The following COL4A2 variants were observed in gnomAD, a reference collection of about 807,000 sequenced individuals.
COL4A2 encodes the protein collagen alpha-2(IV) chain.
Under a neutral mutation model 200.2 loss-of-function variants are expected in COL4A2, and 99 were observed. The observed-to-expected ratio is 0.49, with a 90% confidence interval of 0.42 to 0.58. The LOEUF is 0.58. Ranked by LOEUF, COL4A2 falls within the 20% of genes least tolerant of loss-of-function variation. The probability of loss-of-function intolerance (pLI) is 0.00; values close to 1 mark genes in which losing one functional copy is unlikely to be tolerated. For missense variants in COL4A2, 1,950 were observed against 2,314.1 expected, an observed-to-expected ratio of 0.84 and a Z score of 3.23; for synonymous variants, 897 against 900.6, an observed-to-expected ratio of 1.00 and a Z score of 0.07.
intron 4 of COL4A2, among the ~76,000 whole-genome samples, chr13:110,363,976 T>A: frequency 6.6e-6 from 1 of 152,142 alleles, no homozygotes; most frequent in East Asian, 1.9e-4. Flanking sequence ...GCTGAGATTA[T>A]AGGCGTGAGC....
At chr13:110,499,853 A>G (rs1218706365) in intron 40 of COL4A2, among the ~76,000 whole-genome samples, 1 of 152,240 alleles carries the variant, frequency 6.6e-6, no homozygotes, top group Non-Finnish European at 1.5e-5. Context: ...TGCGGATTGC[A>G]CTGGATCATC....
At chr13:110,410,332 C>T (rs941927358) in intron 4 of COL4A2, among the ~76,000 whole-genome samples, 2 of 152,222 alleles carry the variant, frequency 1.3e-5, no homozygotes, top group African/African-American at 2.4e-5. Flanking sequence ...CACATGTTCA[C>T]GGTCAAATGT....
intron 8 of COL4A2, 197 bp downstream of exon 8, chr13:110,430,153 T>G: frequency 1.4e-6 from 1 of 695,722 alleles, no homozygotes; most frequent in Non-Finnish European, 2.1e-6. Flanking sequence ...TGTTTATCTC[T>G]TTCCCATATT....
At chr13:110,503,601 G>A (rs975263616) in intron 43 of COL4A2, 120 bp downstream of exon 43, 10 of 730,662 alleles carry the variant, frequency 1.4e-5, no homozygotes, top group African/African-American at 7.2e-5. Context: ...GTTGTAAAGA[G>A]CAGGGAGGAA....
At chr13:110,330,490 T>A (rs1369104430) in intron 3 of COL4A2, among the ~76,000 whole-genome samples, 1 of 152,070 alleles carries the variant, frequency 6.6e-6, no homozygotes, top group South Asian at 2.1e-4. Flanking sequence ...CTATTGAAAC[T>A]CCCCATCTGC....
intron 22 of COL4A2, chr13:110,461,911 A>G: frequency 1.5e-6 from 1 of 664,024 alleles, no homozygotes; most frequent in Non-Finnish European, 2.5e-6. Context: ...CCAGTGCTCC[A>G]CAGCCACTGT....
chr13:110,427,480 A>C (rs1031417591), intron 6 of COL4A2, among the ~76,000 whole-genome samples: 2 of 152,132 alleles, frequency 1.3e-5, no homozygotes, highest in African/African-American at 4.8e-5. Context: ...AAATTTTCCA[A>C]ATTTCTCAAA....
At chr13:110,406,614 T>C (rs955271273) in intron 4 of COL4A2, among the ~76,000 whole-genome samples, 1 of 143,008 alleles carries the variant, frequency 7.0e-6, no homozygotes, top group Non-Finnish European at 1.5e-5. Context: ...TGTGAGTACC[T>C]GGTTTTTTTA....
intron 17 of COL4A2, among the ~76,000 whole-genome samples, chr13:110,446,198 G>A (rs1881315656): frequency 6.6e-6 from 1 of 151,950 alleles, no homozygotes; most frequent in African/African-American, 2.4e-5. Flanking sequence ...GTTTCCAAGG[G>A]AGGATGTGGC....
intron 3 of COL4A2, among the ~76,000 whole-genome samples, 182 bp from the exon 4 acceptor site, chr13:110,357,290 G>A (rs923809394): frequency 1.3e-5 from 2 of 152,098 alleles, no homozygotes; most frequent in Admixed American, 1.3e-4. Flanking sequence ...CCTTACACTC[G>A]ATTTTGCTGT....
chr13:110,501,598 G>A, intron 40 of COL4A2, 70 bp from the exon 41 acceptor site: 1 of 1,328,988 alleles, frequency 7.5e-7, no homozygotes, highest in Admixed American at 1.7e-5. Flanking sequence ...TGATGGTGTG[G>A]AGGGAAAATA....
chr13:110,489,524 C>T lies in COL4A2; in HGVS notation c.3271+16C>T. On this transcript the variant is annotated intron_variant, in intron 35 of 47. Transcript: ENST00000360467. Reference sequence around the variant, plus strand: ...GGTGATTTCGGTGAGTGTTGCCCGTCCAGTGAAAACAGGGAGTCCACAATT... The same window carrying T: ...GGTGATTTCGGTGAGTGTTGCCCGTTCAGTGAAAACAGGGAGTCCACAATT... 6.2e-7 allele frequency: 1 copy of T among 1,613,998 alleles called. No individual in the cohort carries two copies. The highest frequency in any genetic ancestry group is 8.5e-7 in the Non-Finnish European group (1 of 1,179,888).
intron 3 of COL4A2, among the ~76,000 whole-genome samples, chr13:110,330,513 C>T (rs1173561125): frequency 6.6e-6 from 1 of 152,168 alleles, no homozygotes; most frequent in Non-Finnish European, 1.5e-5. Context: ...GTTCACAATT[C>T]ATCTAAGCAA....
At chr13:110,413,550 C>T (rs1879929132) in intron 4 of COL4A2, among the ~76,000 whole-genome samples, 1 of 152,188 alleles carries the variant, frequency 6.6e-6, no homozygotes, top group African/African-American at 2.4e-5. Context: ...TGCCATGGCC[C>T]TGAGGTTCCA....
chr13:110,439,045 G>A (rs1298847079), intron 15 of COL4A2, among the ~76,000 whole-genome samples: 3 of 152,138 alleles, frequency 2.0e-5, no homozygotes, highest in East Asian at 1.9e-4. Flanking sequence ...ATTGATTTCC[G>A]ACTGTCCCAA....
chr13:110,459,729 A>G (rs1230476273), intron 22 of COL4A2: 1 of 152,254 alleles, frequency 6.6e-6, no homozygotes, highest in African/African-American at 2.4e-5. Flanking sequence ...ACTTTGTGCT[A>G]TATGAATTAT....
At chr13:110,464,244 G>T (rs1333485332) in intron 24 of COL4A2, among the ~76,000 whole-genome samples, 1 of 152,184 alleles carries the variant, frequency 6.6e-6, no homozygotes, top group Admixed American at 6.5e-5. Context: ...CAGCCCAGCT[G>T]GGGGCAGGTG....
chr13:110,412,234 G>A (rs1879870856), intron 4 of COL4A2, among the ~76,000 whole-genome samples: 1 of 152,226 alleles, frequency 6.6e-6, no homozygotes, highest in South Asian at 2.1e-4. Flanking sequence ...GTGCTCTTTC[G>A]ACATCTTTGG....
At chr13:110,323,396 G>GC (rs1007027092) in intron 3 of COL4A2, among the ~76,000 whole-genome samples, 8 of 152,084 alleles carry the variant, frequency 5.3e-5, no homozygotes, top group African/African-American at 7.2e-5. Flanking sequence ...CGGGATGAGG[G>GC]CCCCCCCTGT....
Sources: gnomAD v4.1 joint callset for allele counts (sites outside exome capture counted in the v4.1 genomes callset) on GRCh38, gnomAD v4.1.1 for gene constraint, MANE v1.5 for transcripts, NCBI Gene and HGNC (gene_info 2026-07-23, HGNC 2026-07-21) for gene names.